ALG14: variants seen among roughly 807,000 people sequenced by gnomAD.
ALG14 encodes the protein UDP-N-acetylglucosamine transferase subunit ALG14.
ALG14 carries 17 observed loss-of-function variants against 22.8 expected under a neutral mutation model. That is an observed-to-expected ratio of 0.75 (90% CI 0.51 to 1.12). The LOEUF is 1.12. Ranked by LOEUF, ALG14 falls within the 50% of genes most tolerant of loss-of-function variation. The probability of loss-of-function intolerance (pLI) is 0.00; values close to 1 mark genes in which losing one functional copy is unlikely to be tolerated. For missense variants in ALG14, 288 were observed against 271.8 expected, an observed-to-expected ratio of 1.06 and a Z score of -0.42; for synonymous variants, 89 against 103.7, an observed-to-expected ratio of 0.86 and a Z score of 0.86.
At chr1:94,990,054 G>A (rs980279642) in intron 3 of ALG14, among the ~76,000 whole-genome samples, 2 of 152,144 alleles carry the variant, frequency 1.3e-5, no homozygotes, top group Non-Finnish European at 1.5e-5. Context: ...TCCAGGGTAC[G>A]GAAAGGATAA....
At chr1:95,000,127 T>C (rs563052073) in intron 3 of ALG14, among the ~76,000 whole-genome samples, 91 of 152,376 alleles carry the variant, frequency 6.0e-4, no homozygotes, top group African/African-American at 2.1e-3. Context: ...CTGCCTATAC[T>C]GTTATTCTTC....
intron 2 of ALG14, among the ~76,000 whole-genome samples, chr1:95,033,420 TACAC>T (rs374040999): frequency 0.15 from 20,460 of 139,416 alleles, 1,605 homozygotes; most frequent in East Asian, 0.31. Flanking sequence ...TATATATATA[TACAC>T]ACACACACAC....
rs1404519176 is a variant in ALG14 at position 94,982,505 on chromosome 1, G to T, written c.*571C>A. On this transcript the variant is annotated 3_prime_UTR_variant, in exon 4 of 4. Coordinates refer to ENST00000370205, the MANE Select transcript of ALG14 (RefSeq NM_144988.4). ...GACTGAAGTACAAAAAATGATACTG[G>T]TTTATGCTCAAGGTTCTGGAGGCTT... 1.3e-5 allele frequency: 2 copies of T among 152,648 alleles called. No individual in the cohort carries two copies. Among genetic ancestry groups the T allele is most frequent in the Middle Eastern group, 3.1e-3 (1 of 320 alleles). 9.5% of individuals were successfully genotyped at this position (152,648 alleles called of 1,614,324 possible).
rs534245067 is a variant in ALG14, at chr1:95,024,824, A to G, written c.420+2305T>C. On this transcript the variant is annotated intron_variant, in intron 3 of 3. Transcript: ENST00000370205. ...TAATTCTAGCTCTGTTGCTACTTCC[A>G]TCACCTCTGCAATTACTTCTTCCAC... is the stretch of plus-strand genomic sequence containing the variant. 2.0e-5 allele frequency among the ~76,000 whole-genome samples: 3 copies of G among 152,318 alleles called. No homozygotes were observed. In the East Asian group the frequency reaches 5.8e-4, roughly 29 times the overall value.
At chr1:95,065,216 T>C (rs544419350) in intron 1 of ALG14, among the ~76,000 whole-genome samples, 199 bp from the exon 2 acceptor site, 22 of 152,194 alleles carry the variant, frequency 1.4e-4, no homozygotes, top group Non-Finnish European at 2.6e-4. Context: ...CAAAAGCAGA[T>C]AATACATGTA....
At chr1:95,036,496 G>A (rs770406930) in intron 2 of ALG14, among the ~76,000 whole-genome samples, 13 of 141,236 alleles carry the variant, frequency 9.2e-5, no homozygotes, top group Admixed American at 1.5e-4. Context: ...GTGCGATCTC[G>A]GCTCACTGCA....
At chr1:95,035,871 G>A (rs922788989) in intron 2 of ALG14, 6 of 152,094 alleles carry the variant, frequency 3.9e-5, no homozygotes, top group Admixed American at 1.3e-4. Context: ...AATGCCACAC[G>A]ACTGAAAAGT....
intron 3 of ALG14, among the ~76,000 whole-genome samples, chr1:95,001,522 G>T (rs935132218): frequency 6.6e-6 from 1 of 152,108 alleles, no homozygotes; most frequent in African/African-American, 2.4e-5. Context: ...TAAAGACAGA[G>T]TCTCACTCTG....
intron 3 of ALG14, among the ~76,000 whole-genome samples, chr1:95,024,804 C>T (rs1486238227): frequency 6.6e-6 from 1 of 152,206 alleles, no homozygotes; most frequent in Non-Finnish European, 1.5e-5. Flanking sequence ...ACTTCTAATT[C>T]TAGCTCTGTT....
At chr1:95,010,827 C>G (rs760626403) in intron 3 of ALG14, among the ~76,000 whole-genome samples, 2 of 151,816 alleles carry the variant, frequency 1.3e-5, no homozygotes, top group South Asian at 2.1e-4. Flanking sequence ...TAGTTCTTGA[C>G]TAGAAGAGGA....
chr1:95,040,734 A>T (rs2100796184), intron 2 of ALG14, among the ~76,000 whole-genome samples: 1 of 152,322 alleles, frequency 6.6e-6, no homozygotes, highest in East Asian at 1.9e-4. Flanking sequence ...TTTAAAACCA[A>T]ACATTGGTGA....
intron 3 of ALG14, among the ~76,000 whole-genome samples, chr1:94,985,471 C>A (rs1006770877): frequency 1.3e-5 from 2 of 152,276 alleles, no homozygotes; most frequent in East Asian, 3.9e-4. Flanking sequence ...TAATGCACTC[C>A]CTAATCCTTG....
intron 3 of ALG14, among the ~76,000 whole-genome samples, chr1:95,023,257 G>A (rs1486573671): frequency 6.6e-6 from 1 of 152,090 alleles, no homozygotes; most frequent in Non-Finnish European, 1.5e-5. Context: ...CTGAGTAGCT[G>A]GGATTACAGG....
At chr1:95,028,321 C>T (rs1031542412) in intron 2 of ALG14, among the ~76,000 whole-genome samples, 24 of 152,124 alleles carry the variant, frequency 1.6e-4, no homozygotes, top group African/African-American at 5.1e-4. Context: ...GATCTTCCCA[C>T]CTCAGCCTCC....
chr1:95,020,302 A>G (rs1673626238), intron 3 of ALG14, among the ~76,000 whole-genome samples: 1 of 152,164 alleles, frequency 6.6e-6, no homozygotes, highest in Non-Finnish European at 1.5e-5. Context: ...ACTGAAAAAG[A>G]TACATCTACT....
chr1:95,001,216 A>G (rs1673057262), intron 3 of ALG14, among the ~76,000 whole-genome samples: 1 of 152,252 alleles, frequency 6.6e-6, no homozygotes, highest in African/African-American at 2.4e-5. Context: ...GAGAAAGAGC[A>G]GCTTGCCTGA....
chr1:94,997,224 GA>G (rs1482540531), intron 3 of ALG14, among the ~76,000 whole-genome samples: 1 of 152,160 alleles, frequency 6.6e-6, no homozygotes, highest in Non-Finnish European at 1.5e-5. Context: ...GGTCTTTGGG[GA>G]GGTGAGGGCA....
chr1:95,027,000 A>C, intron 3 of ALG14, 129 bp downstream of exon 3: 2 of 1,163,750 alleles, frequency 1.7e-6, no homozygotes, highest in Non-Finnish European at 2.4e-6. Context: ...GGCACCAGCC[A>C]GTTCAGGGTC....
chr1:95,036,419 CTTTTTTTTTTTTTTT>C lies in ALG14; in HGVS notation c.289-9174_289-9160del, dbSNP rs35068075. ...GTGGAACTGTGAGTCAATTAAACCT[CTTTTTTTTTTTTTTT>C]TTTTTTTTTTGAGATGGAGTCTCAC... On this transcript the variant is annotated intron_variant, in intron 2 of 3. Coordinates refer to ENST00000370205, the MANE Select transcript of ALG14 (RefSeq NM_144988.4). 1.7e-3 allele frequency among the ~76,000 whole-genome samples: 120 copies of C among 71,906 alleles called. 1 individual carries two copies. The South Asian group carries it at 0.025, about 15-fold the overall frequency. 47.2% of individuals were successfully genotyped at this position (71,906 alleles called of 152,430 possible).
Sources: allele counts gnomAD v4.1 joint callset (sites outside exome capture counted in the v4.1 genomes callset), GRCh38; gene constraint gnomAD v4.1.1; transcripts MANE v1.5; gene names NCBI Gene and HGNC (gene_info 2026-07-23, HGNC 2026-07-21).